Variants in CRPPA observed in about 807,000 individuals in gnomAD.
The protein encoded by CRPPA is D-ribitol-5-phosphate cytidylyltransferase.
CRPPA carries 43 observed loss-of-function variants against 52.0 expected under a neutral mutation model. The observed-to-expected ratio is 0.83, with a 90% confidence interval of 0.65 to 1.07. The LOEUF (loss-of-function observed/expected upper bound fraction) is 1.07. CRPPA is among the 50% of genes least tolerant of loss of function. The pLI is 0.00. For missense variants in CRPPA, 629 were observed against 551.7 expected (o/e 1.14, Z -1.40); for synonymous variants, 250 against 203.5 (o/e 1.23, Z -1.94).
intron 5 of CRPPA, among the ~76,000 whole-genome samples, chr7:16,293,105 A>G (rs555953165): frequency 6.6e-6 from 1 of 152,046 alleles, no homozygotes; most frequent in South Asian, 2.1e-4. Context: ...TGTATTTTAC[A>G]AGAAACTCAG....
At chr7:16,404,222 G>C (rs1787896861) in intron 2 of CRPPA, among the ~76,000 whole-genome samples, 1 of 152,136 alleles carries the variant, frequency 6.6e-6, no homozygotes, top group Non-Finnish European at 1.5e-5. Flanking sequence ...AAGTTGTAAA[G>C]TTTTGTTCTG....
At chr7:16,216,847 G>C (rs188004726) in intron 8 of CRPPA, among the ~76,000 whole-genome samples, 2 of 152,084 alleles carry the variant, frequency 1.3e-5, no homozygotes, top group African/African-American at 4.8e-5. Flanking sequence ...ACTGCAAGGC[G>C]GCAGCGAGGC....
intron 3 of CRPPA, among the ~76,000 whole-genome samples, chr7:16,313,715 G>A (rs549745943): frequency 1.3e-5 from 2 of 151,830 alleles, no homozygotes; most frequent in African/African-American, 4.8e-5. Flanking sequence ...ATTTTGATGC[G>A]TTCCATTTTA....
intron 9 of CRPPA, among the ~76,000 whole-genome samples, chr7:16,177,237 C>T (rs1400664053): frequency 3.3e-5 from 5 of 151,724 alleles, no homozygotes; most frequent in Admixed American, 6.6e-5. Context: ...CTGGTGGTTG[C>T]TCAATACATT....
chr7:16,216,037 T>TA, intron 9 of CRPPA, 29 bp downstream of exon 9: 1 of 1,532,738 alleles, frequency 6.5e-7, no homozygotes, highest in Non-Finnish European at 8.8e-7. Context: ...CTACAGAACA[T>TA]ACATTCGGAA....
intron 9 of CRPPA, among the ~76,000 whole-genome samples, chr7:16,164,671 G>C (rs1316588440): frequency 6.6e-6 from 1 of 152,070 alleles, no homozygotes; most frequent in Non-Finnish European, 1.5e-5. Context: ...TTTGATGTTG[G>C]TGACTTTCGG....
intron 9 of CRPPA, among the ~76,000 whole-genome samples, chr7:16,167,826 C>T (rs552682566): frequency 1.4e-4 from 21 of 152,304 alleles, no homozygotes; most frequent in African/African-American, 4.1e-4. Flanking sequence ...CTATTCTTAA[C>T]GAAGTTGTCC....
intron 8 of CRPPA, among the ~76,000 whole-genome samples, chr7:16,231,172 G>C (rs1482094715): frequency 6.6e-6 from 1 of 152,108 alleles, no homozygotes; most frequent in Non-Finnish European, 1.5e-5. Context: ...CCTATTCCAT[G>C]CTGCCAGAGT....
chr7:16,140,016 T>C (rs976634520), intron 9 of CRPPA, among the ~76,000 whole-genome samples: 5 of 152,024 alleles, frequency 3.3e-5, no homozygotes, highest in Non-Finnish European at 7.4e-5. Flanking sequence ...AATATTTCTG[T>C]TAAAAAAAAG....
intron 8 of CRPPA, among the ~76,000 whole-genome samples, chr7:16,257,238 G>T (rs893512156): frequency 4.3e-4 from 66 of 152,158 alleles, no homozygotes; most frequent in African/African-American, 1.5e-3. Context: ...TACATTGGAC[G>T]GCCTCATCAC....
chr7:16,134,056 C>T (rs922804643), intron 9 of CRPPA, among the ~76,000 whole-genome samples: 2 of 123,712 alleles, frequency 1.6e-5, no homozygotes, highest in Non-Finnish European at 3.7e-5. Flanking sequence ...CTCAGCCTCC[C>T]GAGCAGCTGG....
intron 5 of CRPPA, among the ~76,000 whole-genome samples, chr7:16,290,873 T>C (rs1784550321): frequency 2.0e-5 from 3 of 151,966 alleles, no homozygotes; most frequent in African/African-American, 4.8e-5. Flanking sequence ...AAGAAGATAT[T>C]TGCAAACTTT....
intron 9 of CRPPA, among the ~76,000 whole-genome samples, chr7:16,168,201 G>A (rs1031081974): frequency 6.6e-6 from 1 of 152,136 alleles, no homozygotes; most frequent in African/African-American, 2.4e-5. Context: ...TTTCCTTTGT[G>A]TGAACTGGCT....
intron 1 of CRPPA, among the ~76,000 whole-genome samples, chr7:16,414,350 AACACACACACACACACACACACACACAC>A (rs3085030): frequency 0.15 from 20,246 of 138,724 alleles, 2,108 homozygotes; most frequent in African/African-American, 0.29. Context: ...CCCCTACCCC[AACACACACACACACACACACACACACAC>A]ACACACACAC....
intron 3 of CRPPA, among the ~76,000 whole-genome samples, chr7:16,370,352 T>A (rs1332862384): frequency 6.6e-6 from 1 of 152,152 alleles, no homozygotes; most frequent in Non-Finnish European, 1.5e-5. Flanking sequence ...AATAAGCCAA[T>A]GTACAACCAA....
intron 9 of CRPPA, among the ~76,000 whole-genome samples, chr7:16,155,415 T>TTACCCAAGGATGTTTTTTCAA (rs1783159194): frequency 6.6e-6 from 1 of 152,158 alleles, no homozygotes; most frequent in Non-Finnish European, 1.5e-5. Flanking sequence ...GCAGGTCCAC[T>TTACCCAAGGATGTTTTTTCAA]TACCCAAGGA....
intron 3 of CRPPA, among the ~76,000 whole-genome samples, chr7:16,352,787 T>A (rs1442721373): frequency 1.3e-5 from 2 of 151,964 alleles, no homozygotes; most frequent in African/African-American, 4.8e-5. Context: ...GTCAGAGATG[T>A]CTGTACTCCC....
chr7:16,381,375 T>A (rs1787083586), intron 2 of CRPPA, among the ~76,000 whole-genome samples: 1 of 151,916 alleles, frequency 6.6e-6, no homozygotes. Flanking sequence ...ATAATTTCTG[T>A]TCTTTTACAT....
At chr7:16,283,766 C>A (rs1290570640) in intron 5 of CRPPA, among the ~76,000 whole-genome samples, 1 of 151,728 alleles carries the variant, frequency 6.6e-6, no homozygotes, top group Non-Finnish European at 1.5e-5. Context: ...TTTTAAAAAC[C>A]CAAACCCACA....
Sources: gnomAD v4.1 joint callset for allele counts (sites outside exome capture counted in the v4.1 genomes callset) on GRCh38, gnomAD v4.1.1 for gene constraint, MANE v1.5 for transcripts, NCBI Gene and HGNC (gene_info 2026-07-23, HGNC 2026-07-21) for gene names.